Variants in DYNLL2 observed in about 807,000 individuals in gnomAD.
The protein encoded by DYNLL2 is dynein light chain 2, cytoplasmic.
A neutral mutation model predicts 9.7 loss-of-function variants in DYNLL2; 1 was observed. That is an observed-to-expected ratio of 0.10 (90% CI 0.04 to 0.49). The LOEUF is 0.49. Ranked by LOEUF, DYNLL2 falls within the 20% of genes least tolerant of loss-of-function variation. The pLI is 0.95. For synonymous variants in DYNLL2, 35 were observed against 40.5 expected (o/e 0.86, Z 0.52); for missense variants, 37 against 115.2 (o/e 0.32, Z 3.11).
chr17:58,090,307 C>T lies in DYNLL2; in HGVS notation c.*1028C>T, dbSNP rs2075775577. 5.9e-6 allele frequency: 1 copy of T among 170,130 alleles called. No homozygotes were observed. The highest frequency in any genetic ancestry group is 2.4e-5 in the African/African-American group (1 of 42,050). The allele number at this position is 170,130 out of a possible 1,614,324, so 10.5% of individuals were successfully genotyped here. On this transcript the variant is annotated 3_prime_UTR_variant, in exon 3 of 3. Transcript: ENST00000579991. ...GGGAGGGGGCAGGACAGTGTGGAAT[C>T]TCTAGGGTGTATGGGTAGGTAGGGG...
chr17:58,083,980 C>T (rs1567765248), intron 1 of DYNLL2, among the ~76,000 whole-genome samples: 1 of 151,876 alleles, frequency 6.6e-6, no homozygotes, highest in Non-Finnish European at 1.5e-5. Context: ...GGGAGTCTCT[C>T]TGCGCTGCGT....
Position 58,089,289 on chromosome 17 carries a change from G to C in DYNLL2, c.*10G>C. On this transcript the variant is annotated 3_prime_UTR_variant, in exon 3 of 3. Transcript: ENST00000579991. ...CTTCAAGTCAGGCTAGGTGGCCATG[G>C]TGAAGGTGTCAGTGGCGGCGGCAGC... is the stretch of plus-strand genomic sequence containing the variant. 1 of 1,611,072 alleles carries C rather than the reference G, an allele frequency of 6.2e-7. No homozygotes were observed. The highest frequency in any genetic ancestry group is 1.1e-5 in the South Asian group (1 of 90,980).
rs1337342964 is a variant in DYNLL2, at chr17:58,092,146, G to A, written c.*2867G>A. 6.6e-6 allele frequency: 1 copy of A among 152,196 alleles called. No individual in the cohort carries two copies. The highest frequency in any genetic ancestry group is 2.4e-5 in the African/African-American group (1 of 41,458). The allele number at this position is 152,196 out of a possible 1,614,324, so 9.4% of individuals were successfully genotyped here. ...ATCTTGGGGAGAAGTTCTACCTCTG[G>A]GGCAGTGAGGTCCTAAGGGATTAAG... On this transcript the variant is annotated 3_prime_UTR_variant, in exon 3 of 3. Coordinates refer to ENST00000579991, the MANE Select transcript of DYNLL2 (RefSeq NM_080677.3).
At position 58,094,438 on chromosome 17, in the gene DYNLL2, C is replaced by T. The variant is rs563472620; in HGVS notation, c.*5159C>T. The T allele has an allele frequency of 4.6e-5, 7 of 152,318 alleles. 1 individual carries two copies. The East Asian group carries it at 9.7e-4, about 21-fold the overall frequency. 9.4% of individuals were successfully genotyped at this position (152,318 alleles called of 1,614,324 possible). ...ATTGCACCACCAGCCTTCTCCCTCC[C>T]TGCTCAATTATACCCATGTTATAGG... On this transcript the variant is annotated 3_prime_UTR_variant, in exon 3 of 3. Transcript: ENST00000579991.
At chr17:58,084,504 G>A (rs925049683) in intron 1 of DYNLL2, among the ~76,000 whole-genome samples, 2 of 152,154 alleles carry the variant, frequency 1.3e-5, no homozygotes, top group African/African-American at 4.8e-5. Context: ...CCTCCTATCT[G>A]GAGGCCCAGG....
At position 58,089,466 on chromosome 17, in the gene DYNLL2, C is replaced by T; in HGVS notation, c.*187C>T. ...ACCAAACCTCTTTCTGTTTAGTTGC[C>T]TGGGGGAAGAAGGCTGCTTTATGTT... On this transcript the variant is annotated 3_prime_UTR_variant, in exon 3 of 3. Coordinates refer to ENST00000579991, the MANE Select transcript of DYNLL2 (RefSeq NM_080677.3). The T allele has an allele frequency of 1.5e-6, 1 of 679,400 alleles. No homozygotes were observed. Among genetic ancestry groups the T allele is most frequent in the East Asian group, 3.2e-5 (1 of 30,988 alleles). 42.1% of individuals were successfully genotyped at this position (679,400 alleles called of 1,614,324 possible). A position where few individuals can be genotyped will look rare whatever the true frequency, so the allele number is the denominator to read the frequency against.
In DYNLL2 at chr17:58,090,182, A is replaced by G; in HGVS notation, c.*903A>G. The G allele has an allele frequency of 2.9e-6, 1 of 347,564 alleles. No individual in the cohort carries two copies. The highest frequency in any genetic ancestry group is 5.2e-6 in the Non-Finnish European group (1 of 194,080). 21.5% of individuals were successfully genotyped at this position (347,564 alleles called of 1,614,324 possible). On this transcript the variant is annotated 3_prime_UTR_variant, in exon 3 of 3. Coordinates refer to ENST00000579991, the MANE Select transcript of DYNLL2 (RefSeq NM_080677.3). Reference sequence around the variant, plus strand: ...GTAGTTCCTTAGTTAGGTCTTAGCAATCAAACCAAATTGATGTCTCCCTTG... The same window carrying G: ...GTAGTTCCTTAGTTAGGTCTTAGCAGTCAAACCAAATTGATGTCTCCCTTG...
At chr17:58,084,748 G>GGAGCAGGTGAGC (rs2061792159) in intron 1 of DYNLL2, among the ~76,000 whole-genome samples, 1 of 152,142 alleles carries the variant, frequency 6.6e-6, no homozygotes, top group South Asian at 2.1e-4. Flanking sequence ...ATGAGGCAGT[G>GGAGCAGGTGAGC]GAGCAGGTGA....
rs1380862647 is a variant in DYNLL2, at chr17:58,091,803, C to T, written c.*2524C>T. 3 of 152,198 alleles carry T rather than the reference C, an allele frequency of 2.0e-5. No homozygotes were observed. Among genetic ancestry groups the T allele is most frequent in the Admixed American group, 2.0e-4 (3 of 15,276 alleles). 9.4% of individuals were successfully genotyped at this position (152,198 alleles called of 1,614,324 possible). ...GTCTGCCCACCCCTGACTCCACCATCGTGTGACTGCAATTCTCTTGGAGGT... is the reference window on the plus strand; with the variant it reads ...GTCTGCCCACCCCTGACTCCACCATTGTGTGACTGCAATTCTCTTGGAGGT... On this transcript the variant is annotated 3_prime_UTR_variant, in exon 3 of 3. Transcript: ENST00000579991.
In DYNLL2 at chr17:58,094,712, C is replaced by T. The variant is rs2075792137; in HGVS notation, c.*5433C>T. 1 of 152,180 alleles carries T rather than the reference C, an allele frequency of 6.6e-6. No individual in the cohort carries two copies. The highest frequency in any genetic ancestry group is 1.5e-5 in the Non-Finnish European group (1 of 68,036). The allele number at this position is 152,180 out of a possible 1,614,324, so 9.4% of individuals were successfully genotyped here. On this transcript the variant is annotated 3_prime_UTR_variant, in exon 3 of 3. Coordinates refer to ENST00000579991, the MANE Select transcript of DYNLL2 (RefSeq NM_080677.3). ...CCATAACCACTATCTAATTCTAGAA[C>T]ATTTTTATCACCCCCAAAAGAAATC...
intron 1 of DYNLL2, among the ~76,000 whole-genome samples, chr17:58,086,600 C>A (rs899708235): frequency 7.2e-5 from 11 of 152,230 alleles, no homozygotes; most frequent in Non-Finnish European, 1.5e-5. Context: ...CAGCTTCTTT[C>A]TGCTATGATG....
rs907772593 is a variant in DYNLL2 at position 58,090,757 on chromosome 17, G to T, written c.*1478G>T. On this transcript the variant is annotated 3_prime_UTR_variant, in exon 3 of 3. Coordinates refer to ENST00000579991, the MANE Select transcript of DYNLL2 (RefSeq NM_080677.3). ...ATGAAATAGGAGTGGGGTGGGGTTT[G>T]GGGTGGGGTGGTCATTGCCGTTTGA... 6.6e-5 allele frequency: 10 copies of T among 150,672 alleles called. No homozygotes were observed. Among genetic ancestry groups the T allele is most frequent in the Admixed American group, 4.7e-4 (7 of 15,050 alleles). 9.3% of individuals were successfully genotyped at this position (150,672 alleles called of 1,614,324 possible).
At chr17:58,086,583 C>G (rs2075760850) in intron 1 of DYNLL2, among the ~76,000 whole-genome samples, 1 of 152,182 alleles carries the variant, frequency 6.6e-6, no homozygotes, top group Non-Finnish European at 1.5e-5. Flanking sequence ...CCTACTGAGT[C>G]CTAGTCCAGC....
chr17:58,091,745 C>G lies in DYNLL2; in HGVS notation c.*2466C>G, dbSNP rs912052121. ...TCCTCTGTTGCCCAGACACACAACTCGAGAAATCAGCAGTGCCAAGACTTC... is the reference window on the plus strand; with the variant it reads ...TCCTCTGTTGCCCAGACACACAACTGGAGAAATCAGCAGTGCCAAGACTTC... On this transcript the variant is annotated 3_prime_UTR_variant, in exon 3 of 3. Transcript: ENST00000579991. 6.6e-6 allele frequency: 1 copy of G among 152,184 alleles called. No homozygotes were observed. The highest frequency in any genetic ancestry group is 1.5e-5 in the Non-Finnish European group (1 of 68,032). 9.4% of individuals were successfully genotyped at this position (152,184 alleles called of 1,614,324 possible).
Position 58,092,965 on chromosome 17 carries a change from C to G in DYNLL2, c.*3686C>G, listed in dbSNP as rs1047342357. ...TCTCCCCCATCGCTGTTATCCTTAC[C>G]CAGTTTAATTCCACGTAGCATCTGC... On this transcript the variant is annotated 3_prime_UTR_variant, in exon 3 of 3. Coordinates refer to ENST00000579991, the MANE Select transcript of DYNLL2 (RefSeq NM_080677.3). The G allele has an allele frequency of 2.0e-5, 3 of 152,210 alleles. No homozygotes were observed. The highest frequency in any genetic ancestry group is 4.4e-5 in the Non-Finnish European group (3 of 68,046). 9.4% of individuals were successfully genotyped at this position (152,210 alleles called of 1,614,324 possible).
intron 1 of DYNLL2, among the ~76,000 whole-genome samples, chr17:58,085,227 C>T (rs970892642): frequency 6.6e-6 from 1 of 152,164 alleles, no homozygotes; most frequent in African/African-American, 2.4e-5. Context: ...TTTGGCAGTG[C>T]TATCTAGATG....
chr17:58,083,961 C>T (rs2075747095), intron 1 of DYNLL2, among the ~76,000 whole-genome samples: 2 of 151,864 alleles, frequency 1.3e-5, no homozygotes, highest in Admixed American at 1.3e-4. Flanking sequence ...TGCCGCTGCC[C>T]CCGCCCCCGG....
chr17:58,085,462 G>T (rs1166172854), intron 1 of DYNLL2, among the ~76,000 whole-genome samples: 1 of 152,190 alleles, frequency 6.6e-6, no homozygotes, highest in South Asian at 2.1e-4. Flanking sequence ...GATAGAGCTG[G>T]AATGACAGCA....
chr17:58,084,039 G>T (rs992387230), intron 1 of DYNLL2, among the ~76,000 whole-genome samples: 1 of 151,998 alleles, frequency 6.6e-6, no homozygotes, highest in Non-Finnish European at 1.5e-5. Context: ...GAGAGGGCTC[G>T]GGCGTGACGC....
Sources: allele counts gnomAD v4.1 joint callset (sites outside exome capture counted in the v4.1 genomes callset), GRCh38; gene constraint gnomAD v4.1.1; transcripts MANE v1.5; gene names NCBI Gene and HGNC (gene_info 2026-07-23, HGNC 2026-07-21).